The following NUDT7 variants were observed in gnomAD, a reference collection of about 807,000 sequenced individuals.
NUDT7 encodes nudix hydrolase 7.
Under a neutral mutation model 13.1 loss-of-function variants are expected in NUDT7, and 19 were observed. That is an observed-to-expected ratio of 1.45 (90% CI 1.01 to 2.13). The LOEUF (loss-of-function observed/expected upper bound fraction) is 2.13, where lower values mean the gene tolerates loss of function less well. Ranked by LOEUF, NUDT7 falls within the 30% of genes most tolerant of loss-of-function variation. The probability of loss-of-function intolerance (pLI) is 0.00; values close to 1 mark genes in which losing one functional copy is unlikely to be tolerated. For synonymous variants in NUDT7, 132 were observed against 109.7 expected, an observed-to-expected ratio of 1.20 and a Z score of -1.27; for missense variants, 360 against 291.7, an observed-to-expected ratio of 1.23 and a Z score of -1.71.
At position 77,735,995 on chromosome 16, in the gene NUDT7, T is replaced by G. The variant is rs1238931244; in HGVS notation, c.348+9T>G. ...TGCCATGTCTTATTGATGTAAGGGT[T>G]TCCTGAGACACTCATGAGCACCGTC... On this transcript the variant is annotated intron_variant, in intron 3 of 3. Transcript: ENST00000268533. 6.2e-6 allele frequency: 10 copies of G among 1,613,606 alleles called. No homozygotes were observed. Among genetic ancestry groups the G allele is most frequent in the Admixed American group, 1.7e-5 (1 of 59,994 alleles).
intron 2 of NUDT7, among the ~76,000 whole-genome samples, chr16:77,730,262 C>A (rs2014279460): frequency 6.6e-6 from 1 of 152,070 alleles, no homozygotes; most frequent in Non-Finnish European, 1.5e-5. Flanking sequence ...TATCTTTTGA[C>A]CAACATCTCC....
At chr16:77,728,337 A>G (rs1013655643) in intron 2 of NUDT7, among the ~76,000 whole-genome samples, 4 of 152,138 alleles carry the variant, frequency 2.6e-5, no homozygotes, top group Admixed American at 6.5e-5. Context: ...GGTTCAAGCA[A>G]TTCTCCCACC....
chr16:77,740,757 A>T (rs2014632635), intron 3 of NUDT7, among the ~76,000 whole-genome samples: 1 of 151,702 alleles, frequency 6.6e-6, no homozygotes, highest in South Asian at 2.1e-4. Flanking sequence ...CATGTTGGCT[A>T]GGCTGGTCTC....
intron 2 of NUDT7, among the ~76,000 whole-genome samples, chr16:77,731,782 G>A (rs1241257228): frequency 6.6e-6 from 1 of 151,980 alleles, no homozygotes; most frequent in Non-Finnish European, 1.5e-5. Flanking sequence ...AAGAGGTAGA[G>A]GTAGAAGACA....
intron 3 of NUDT7, among the ~76,000 whole-genome samples, chr16:77,737,641 G>A (rs1441436615): frequency 1.3e-5 from 2 of 151,864 alleles, no homozygotes; most frequent in African/African-American, 4.8e-5. Context: ...GCCCATCACC[G>A]CGCCCGGCTA....
At chr16:77,731,482 C>G (rs1317392288) in intron 2 of NUDT7, among the ~76,000 whole-genome samples, 2 of 152,142 alleles carry the variant, frequency 1.3e-5, no homozygotes, top group Non-Finnish European at 2.9e-5. Flanking sequence ...CTGGTGTAAA[C>G]AAACCTACTG....
At chr16:77,729,713 T>G (rs2014252140) in intron 2 of NUDT7, among the ~76,000 whole-genome samples, 1 of 152,074 alleles carries the variant, frequency 6.6e-6, no homozygotes, top group African/African-American at 2.4e-5. Flanking sequence ...TAGTTCCAGC[T>G]ACTCGCGAGG....
intron 3 of NUDT7, among the ~76,000 whole-genome samples, chr16:77,739,617 A>G (rs1282460448): frequency 6.6e-6 from 1 of 152,104 alleles, no homozygotes; most frequent in Non-Finnish European, 1.5e-5. Flanking sequence ...TCTGGTGACT[A>G]AGCATGCCCT....
intron 3 of NUDT7, among the ~76,000 whole-genome samples, chr16:77,737,110 T>TACATTTGTCACA (rs2014511996): frequency 6.6e-6 from 1 of 152,178 alleles, no homozygotes; most frequent in African/African-American, 2.4e-5. Flanking sequence ...CATCACTGTG[T>TACATTTGTCACA]ACATTTGTCA....
Position 77,722,579 on chromosome 16 carries a change from G to A in NUDT7, c.-4G>A. 1.3e-6 allele frequency: 2 copies of A among 1,589,710 alleles called. No homozygotes were observed. Among genetic ancestry groups the A allele is most frequent in the Non-Finnish European group, 8.6e-7 (1 of 1,167,392 alleles). ...CCGCCCGGAAACAAACATTCCCCAG[G>A]GCAATGTCACGACTTGGTCTTCCCG... On this transcript the variant is annotated 5_prime_UTR_variant, in exon 1 of 4. Coordinates refer to ENST00000268533, the MANE Select transcript of NUDT7 (RefSeq NM_001105663.3).
At chr16:77,728,149 C>T (rs2014198301) in intron 2 of NUDT7, among the ~76,000 whole-genome samples, 1 of 152,074 alleles carries the variant, frequency 6.6e-6, no homozygotes, top group South Asian at 2.1e-4. Context: ...AGGAGATTTC[C>T]CCCCAGTGGA....
chr16:77,735,191 T>C (rs948806259), intron 2 of NUDT7, among the ~76,000 whole-genome samples: 1 of 152,094 alleles, frequency 6.6e-6, no homozygotes, highest in Non-Finnish European at 1.5e-5. Flanking sequence ...GTGTGTGATA[T>C]GGTTTGGATC....
At chr16:77,724,752 G>C (rs2014076403) in intron 1 of NUDT7, among the ~76,000 whole-genome samples, 1 of 152,214 alleles carries the variant, frequency 6.6e-6, no homozygotes, top group African/African-American at 2.4e-5. Context: ...CCTGTCAAAA[G>C]GACCAAAACA....
chr16:77,728,950 TC>T (rs2014228863), intron 2 of NUDT7, among the ~76,000 whole-genome samples: 1 of 152,054 alleles, frequency 6.6e-6, no homozygotes, highest in South Asian at 2.1e-4. Flanking sequence ...TCTACCCTCC[TC>T]CACCCTCCTC....
chr16:77,735,574 AG>A (rs2014453097), intron 2 of NUDT7: 1 of 565,718 alleles, frequency 1.8e-6, no homozygotes, highest in South Asian at 2.6e-5. Context: ...TAGCAGTGCA[AG>A]AACAGATTAA....
At position 77,741,647 on chromosome 16, in the gene NUDT7, T is replaced by C. The variant is rs1303845370; in HGVS notation, c.414T>C (p.Pro138=). ...IDHNFQAQPN[P]AEVKDVFLVP... ...ACAACTTCCAGGCCCAGCCGAATCCTGCTGAAGTTAAGGATGTATTCCTGG... is the reference window on the plus strand; with the variant it reads ...ACAACTTCCAGGCCCAGCCGAATCCCGCTGAAGTTAAGGATGTATTCCTGG... Residue 138 remains proline, a synonymous_variant, in exon 4 of 4, where the codon CCT becomes CCC. Transcript: ENST00000268533. 4 of 1,613,976 alleles carry C rather than the reference T, an allele frequency of 2.5e-6. No homozygotes were observed. In the Admixed American group the frequency reaches 6.7e-5, roughly 27 times the overall value.
intron 2 of NUDT7, among the ~76,000 whole-genome samples, chr16:77,728,382 G>A (rs2014208714): frequency 6.6e-6 from 1 of 152,070 alleles, no homozygotes; most frequent in South Asian, 2.1e-4. Context: ...ACAGGTGCAC[G>A]CCACCACGCC....
At position 77,742,005 on chromosome 16, in the gene NUDT7, C is replaced by A; in HGVS notation, c.*55C>A. ...CACGAGGATTCTGTGTGTGCTTATTCGTAGAACAACAACAATGCCAGCTGT... is the reference window on the plus strand; with the variant it reads ...CACGAGGATTCTGTGTGTGCTTATTAGTAGAACAACAACAATGCCAGCTGT... On this transcript the variant is annotated 3_prime_UTR_variant, in exon 4 of 4. Coordinates refer to ENST00000268533, the MANE Select transcript of NUDT7 (RefSeq NM_001105663.3). 1 of 1,507,780 alleles carries A rather than the reference C, an allele frequency of 6.6e-7. No individual in the cohort carries two copies. Among genetic ancestry groups the A allele is most frequent in the Non-Finnish European group, 8.8e-7 (1 of 1,136,352 alleles). The allele number at this position is 1,507,780 out of a possible 1,614,324, so 93.4% of individuals were successfully genotyped here. A position where few individuals can be genotyped will look rare whatever the true frequency, so the allele number is the denominator to read the frequency against.
At chr16:77,728,577 T>G (rs933619566) in intron 2 of NUDT7, among the ~76,000 whole-genome samples, 11 of 152,146 alleles carry the variant, frequency 7.2e-5, no homozygotes, top group African/African-American at 2.7e-4. Flanking sequence ...GGTTTTCTCA[T>G]CCCTAAAATG....
Sources: allele counts gnomAD v4.1 joint callset (sites outside exome capture counted in the v4.1 genomes callset), GRCh38; gene constraint gnomAD v4.1.1; transcripts MANE v1.5; gene names NCBI Gene and HGNC (gene_info 2026-07-23, HGNC 2026-07-21).